TMEM18: variants seen among roughly 807,000 people sequenced by gnomAD.
TMEM18 encodes the protein transmembrane protein 18.
In TMEM18, 14 loss-of-function variants were observed where a neutral mutation model predicts 17.4. The observed-to-expected ratio is 0.80, with a 90% confidence interval of 0.53 to 1.25. The LOEUF (loss-of-function observed/expected upper bound fraction) is 1.25, where lower values mean the gene tolerates loss of function less well. Among genes scored for constraint, TMEM18 ranks in the 50% most tolerant of loss-of-function variants. The probability of loss-of-function intolerance (pLI) is 0.00; values close to 1 mark genes in which losing one functional copy is unlikely to be tolerated. For synonymous variants in TMEM18, 86 were observed against 66.1 expected (o/e 1.30, Z -1.46); for missense variants, 187 against 172.1 (o/e 1.09, Z -0.48).
rs777282588 is a variant in TMEM18 at position 666,449 on chromosome 2, C to T, written c.*3131G>A. ...CGAGGAAAGATCTAACTGTACAGGCCGCTGTGAAACTGGAACATCGGAGGA... is the reference window on the plus strand; with the variant it reads ...CGAGGAAAGATCTAACTGTACAGGCTGCTGTGAAACTGGAACATCGGAGGA... On this transcript the variant is annotated 3_prime_UTR_variant, in exon 5 of 5. Transcript: ENST00000281017. Among the ~76,000 whole-genome samples the T allele has an allele frequency of 1.3e-5, 2 of 152,186 alleles. No homozygotes were observed. Among genetic ancestry groups the T allele is most frequent in the Non-Finnish European group, 1.5e-5 (1 of 68,024 alleles).
chr2:675,768 G>C (rs1226131478), intron 1 of TMEM18, 138 bp from the exon 2 acceptor site: 1 of 1,534,660 alleles, frequency 6.5e-7, no homozygotes, highest in African/African-American at 1.4e-5. Flanking sequence ...CAAGTATCCA[G>C]AGAGCATTGC....
rs1053767145 is a variant in TMEM18, at chr2:664,432, A to C, written c.*5148T>G. 2.6e-5 allele frequency among the ~76,000 whole-genome samples: 4 copies of C among 152,268 alleles called. No individual in the cohort carries two copies. The highest frequency in any genetic ancestry group is 5.9e-5 in the Non-Finnish European group (4 of 68,052). On this transcript the variant is annotated 3_prime_UTR_variant, in exon 5 of 5. Transcript: ENST00000281017. The stretch of plus-strand genomic sequence containing the variant: ...GTTACCAATTTTAACACATAAAATT[A>C]GAAATAGGTTTTTTAAAGCCCATAT...
rs375479727 is a variant in TMEM18, at chr2:669,594, T to G, written c.409A>C (p.Arg137=). Residue 137 remains arginine, a synonymous_variant, in exon 5 of 5, where the codon AGG becomes CGG. Transcript: ENST00000281017. ...QERRKEKKRR[R]KED is the part of the protein sequence containing the mutation. ...GCTGCTGCCCCTCAGTCTTCTTTCC[T>G]TCTCCTTTTCTTTTCCTTTCTTCTC... is the stretch of plus-strand genomic sequence containing the variant. The G allele has an allele frequency of 4.3e-6, 7 of 1,614,218 alleles. No homozygotes were observed. The Admixed American group carries it at 5.0e-5, about 12-fold the overall frequency.
chr2:674,587 T>C (rs1043450051), intron 2 of TMEM18, among the ~76,000 whole-genome samples: 1 of 152,196 alleles, frequency 6.6e-6, no homozygotes, highest in Non-Finnish European at 1.5e-5. Context: ...CAGGGCACCC[T>C]CAATACAGAG....
chr2:675,830 G>A, intron 1 of TMEM18, 200 bp from the exon 2 acceptor site: 1 of 1,527,216 alleles, frequency 6.5e-7, no homozygotes, highest in Non-Finnish European at 8.8e-7. Flanking sequence ...CCAGGAGGAT[G>A]GAAACAGGAT....
chr2:673,152 AC>A (rs1678899420), intron 2 of TMEM18, among the ~76,000 whole-genome samples: 1 of 152,182 alleles, frequency 6.6e-6, no homozygotes, highest in Non-Finnish European at 1.5e-5. Flanking sequence ...CCCAGGCTTC[AC>A]CCAGGCATGG....
In TMEM18 at chr2:677,124, G is replaced by A. The variant is rs376028764; in HGVS notation, c.57+165C>T. 1.4e-4 allele frequency: 117 copies of A among 822,448 alleles called. No homozygotes were observed. In the African/African-American group the frequency reaches 1.9e-3, roughly 13 times the overall value. The allele number at this position is 822,448 out of a possible 1,614,324, so 50.9% of individuals were successfully genotyped here. Reference sequence around the variant, plus strand: ...CGCGCGCCCCCGACGCCGGCCCCGAGCCACTCCCACAGGTCTCAGGACCCT... The same window carrying A: ...CGCGCGCCCCCGACGCCGGCCCCGAACCACTCCCACAGGTCTCAGGACCCT... On this transcript the variant is annotated intron_variant, in intron 1 of 4. Transcript: ENST00000281017.
rs371043175 is a variant in TMEM18, at chr2:673,220, G to C, written c.179-358C>G. ...GCCACAGTTCAGCCCCACAGAACAC[G>C]GCAGCAGGAGCTGAGAGCCACGAGA... On this transcript the variant is annotated intron_variant, in intron 2 of 4. Coordinates refer to ENST00000281017, the MANE Select transcript of TMEM18 (RefSeq NM_152834.4). 2.0e-5 allele frequency among the ~76,000 whole-genome samples: 3 copies of C among 152,218 alleles called. No individual in the cohort carries two copies. In the East Asian group the frequency reaches 5.8e-4, roughly 29 times the overall value.
chr2:676,899 C>CA lies in TMEM18; in HGVS notation c.57+389dup, dbSNP rs1659255595. 1.4e-5 allele frequency: 8 copies of CA among 577,000 alleles called. No homozygotes were observed. In the South Asian group the frequency reaches 1.5e-4, roughly 10 times the overall value. The allele number at this position is 577,000 out of a possible 1,614,324, so 35.7% of individuals were successfully genotyped here. ...TCGCGCTCCGCCCACACAACTCAGCCACGCCCGCACGGTGCAGGACGCCAG... is the reference window on the plus strand; with the variant it reads ...TCGCGCTCCGCCCACACAACTCAGCCAACGCCCGCACGGTGCAGGACGCCAG... On this transcript the variant is annotated intron_variant, in intron 1 of 4. Coordinates refer to ENST00000281017, the MANE Select transcript of TMEM18 (RefSeq NM_152834.4).
rs1457943345 is a variant in TMEM18, at chr2:664,392, T to C, written c.*5188A>G. On this transcript the variant is annotated 3_prime_UTR_variant, in exon 5 of 5. Transcript: ENST00000281017. ...CAAACTACAGACTAGTAACACATAT[T>C]TCTGCCCTATATGTGTTACCAATTT... 6.6e-6 allele frequency among the ~76,000 whole-genome samples: 1 copy of C among 152,236 alleles called. No homozygotes were observed.
rs1678693532 is a variant in TMEM18 at position 666,476 on chromosome 2, G to A, written c.*3104C>T. ...CTGTGAAACTGGAACATCGGAGGAAGAGGAGCTAGAAAGCTTACCAGGCCG... is the reference window on the plus strand; with the variant it reads ...CTGTGAAACTGGAACATCGGAGGAAAAGGAGCTAGAAAGCTTACCAGGCCG... On this transcript the variant is annotated 3_prime_UTR_variant, in exon 5 of 5. Transcript: ENST00000281017. 6.6e-6 allele frequency among the ~76,000 whole-genome samples: 1 copy of A among 152,202 alleles called. No homozygotes were observed. The highest frequency in any genetic ancestry group is 1.5e-5 in the Non-Finnish European group (1 of 68,036).
chr2:677,079 G>A (rs577416669), intron 1 of TMEM18: 61 of 569,374 alleles, frequency 1.1e-4, no homozygotes, highest in Admixed American at 5.4e-4. Flanking sequence ...CTCCCACAGG[G>A]CCCAGGACCC....
Position 666,466 on chromosome 2 carries a change from A to G in TMEM18, c.*3114T>C, listed in dbSNP as rs76847828. On this transcript the variant is annotated 3_prime_UTR_variant, in exon 5 of 5. Coordinates refer to ENST00000281017, the MANE Select transcript of TMEM18 (RefSeq NM_152834.4). ...GTACAGGCCGCTGTGAAACTGGAAC[A>G]TCGGAGGAAGAGGAGCTAGAAAGCT... 0.043 allele frequency among the ~76,000 whole-genome samples: 6,612 copies of G among 152,298 alleles called. 193 individuals are homozygous for G. Among genetic ancestry groups the G allele is most frequent in the Non-Finnish European group, 0.063 (4,278 of 68,010 alleles).
At chr2:672,333 G>C (rs1678870825) in intron 3 of TMEM18, among the ~76,000 whole-genome samples, 1 of 152,222 alleles carries the variant, frequency 6.6e-6, no homozygotes, top group South Asian at 2.1e-4. Flanking sequence ...GGCAGAGGAC[G>C]CAGGGCCAGG....
intron 2 of TMEM18, among the ~76,000 whole-genome samples, chr2:673,724 G>A (rs913753240): frequency 1.3e-5 from 2 of 150,486 alleles, no homozygotes; most frequent in Non-Finnish European, 3.0e-5. Context: ...AGAACCAGAG[G>A]GGAGGGGAGG....
intron 3 of TMEM18, chr2:670,109 T>G: frequency 2.4e-6 from 1 of 424,972 alleles, no homozygotes; most frequent in Non-Finnish European, 4.2e-6. Context: ...CCCCGAGGCC[T>G]CCCCCAGCAG....
At chr2:673,351 C>A (rs1678908165) in intron 2 of TMEM18, among the ~76,000 whole-genome samples, 1 of 152,072 alleles carries the variant, frequency 6.6e-6, no homozygotes, top group Non-Finnish European at 1.5e-5. Context: ...CTTTGGGGTG[C>A]TGGAGGCAAA....
In TMEM18 at chr2:667,014, C is replaced by CCT. The variant is rs1553271973; in HGVS notation, c.*2565_*2566insAG. Among the ~76,000 whole-genome samples the CCT allele has an allele frequency of 7.1e-6, 1 of 140,816 alleles. No individual in the cohort carries two copies. Among genetic ancestry groups the CCT allele is most frequent in the African/African-American group, 2.6e-5 (1 of 38,090 alleles). The allele number at this position is 140,816 out of a possible 152,430, so 92.4% of individuals were successfully genotyped here. On this transcript the variant is annotated 3_prime_UTR_variant, in exon 5 of 5. Transcript: ENST00000281017. ...CTTACCCTGAATTCCACCCCCAGCCCTTTTTTTTTTTTTTTAACATTTATT... is the reference window on the plus strand; with the variant it reads ...CTTACCCTGAATTCCACCCCCAGCCCCTTTTTTTTTTTTTTTTAACATTTATT...
intron 3 of TMEM18, 123 bp from the exon 4 acceptor site, chr2:669,973 AC>A: frequency 2.9e-6 from 2 of 698,896 alleles, no homozygotes; most frequent in Non-Finnish European, 4.8e-6. Flanking sequence ...CAACACCCTC[AC>A]TGGGCCCACC....
Sources: allele counts gnomAD v4.1 joint callset (sites outside exome capture counted in the v4.1 genomes callset), GRCh38; gene constraint gnomAD v4.1.1; transcripts MANE v1.5; gene names NCBI Gene and HGNC (gene_info 2026-07-23, HGNC 2026-07-21).